Variants in KIAA1549 observed in about 807,000 individuals in gnomAD.
KIAA1549 encodes KIAA1549, also known as UPF0606 protein KIAA1549.
Under a neutral mutation model 156.4 loss-of-function variants are expected in KIAA1549, and 70 were observed. The observed-to-expected ratio is 0.45, with a 90% CI of 0.37 to 0.55. The LOEUF (loss-of-function observed/expected upper bound fraction) is 0.55. KIAA1549 is among the 20% of genes least tolerant of loss of function. KIAA1549 has a pLI of 0.00. For missense variants in KIAA1549, 2,428 were observed against 2,540.9 expected (o/e 0.96, Z 0.96); for synonymous variants, 1,103 against 1,066.4 (o/e 1.03, Z -0.67).
Position 138,917,467 on chromosome 7 carries a change from G to T in KIAA1549, c.2159C>A (p.Ser720Ter). The T allele has an allele frequency of 6.2e-7, 1 of 1,613,870 alleles. No individual in the cohort carries two copies. The highest frequency in any genetic ancestry group is 1.1e-5 in the South Asian group (1 of 91,062). ...CTCGAGAGAATCAGAAGGGAAGCTTGACCATGGTGACACCTCAGAACGGCT... is the reference window on the plus strand; with the variant it reads ...CTCGAGAGAATCAGAAGGGAAGCTTTACCATGGTGACACCTCAGAACGGCT... ...LPSRSEVSPW[S>*]SFPSDSLEFV... Residue 720 changes from serine to a stop codon, truncating the protein, a stop_gained, in exon 2 of 20, where the codon TCA becomes TAA. Transcript: ENST00000422774. LOFTEE classifies it high-confidence loss of function.
At chr7:138,896,291 A>G (rs374282564) in intron 9 of KIAA1549, among the ~76,000 whole-genome samples, 5 of 152,310 alleles carry the variant, frequency 3.3e-5, no homozygotes, top group African/African-American at 1.2e-4. Context: ...ACGTAATAAC[A>G]AAAAGGGTTC....
chr7:138,844,779 G>A (rs1355197141), intron 17 of KIAA1549, among the ~76,000 whole-genome samples: 1 of 151,518 alleles, frequency 6.6e-6, no homozygotes, highest in Non-Finnish European at 1.5e-5. Flanking sequence ...CTACACGTCT[G>A]CATCACCTGG....
chr7:138,833,842 GC>G lies in KIAA1549; in HGVS notation c.*4063del, dbSNP rs1267211506. ...AGTACTTCCTCTGTAGATCTTCACA[GC>G]CCTGGTCGTTTCCTTGCTGCATGAC... On this transcript the variant is annotated 3_prime_UTR_variant, in exon 20 of 20. Coordinates refer to ENST00000422774, the MANE Select transcript of KIAA1549 (RefSeq NM_001164665.2). 8.6e-6 allele frequency: 2 copies of G among 233,046 alleles called. No homozygotes were observed. Among genetic ancestry groups the G allele is most frequent in the Non-Finnish European group, 1.7e-5 (2 of 118,006 alleles). The allele number at this position is 233,046 out of a possible 1,614,324, so 14.4% of individuals were successfully genotyped here.
At position 138,837,805 on chromosome 7, in the gene KIAA1549, A is replaced by C; in HGVS notation, c.*101T>G. Reference sequence around the variant, plus strand: ...CTCCCTCCCTTGGGCAGGCTGCCCGAGAGTTGCTCCTTCCTCTTCCAAACA... The same window carrying C: ...CTCCCTCCCTTGGGCAGGCTGCCCGCGAGTTGCTCCTTCCTCTTCCAAACA... On this transcript the variant is annotated 3_prime_UTR_variant, in exon 20 of 20. Transcript: ENST00000422774. 7.2e-7 allele frequency: 1 copy of C among 1,390,344 alleles called. No homozygotes were observed. 86.1% of individuals were successfully genotyped at this position (1,390,344 alleles called of 1,614,324 possible).
chr7:138,911,672 C>T (rs953727426), intron 3 of KIAA1549, among the ~76,000 whole-genome samples: 1 of 152,062 alleles, frequency 6.6e-6, no homozygotes, highest in Non-Finnish European at 1.5e-5. Context: ...CTAGTGGCCA[C>T]ATTAAAAAAC....
rs1584762127 is a variant in KIAA1549 at position 138,926,364 on chromosome 7, G to A, written c.188-6926C>T. Among the ~76,000 whole-genome samples, 4 of 151,984 alleles carry A rather than the reference G, an allele frequency of 2.6e-5. No individual in the cohort carries two copies. The South Asian group carries it at 6.2e-4, about 24-fold the overall frequency. On this transcript the variant is annotated intron_variant, in intron 1 of 19. Coordinates refer to ENST00000422774, the MANE Select transcript of KIAA1549 (RefSeq NM_001164665.2). Reference sequence around the variant, plus strand: ...TGCAGAGGTGCAATCTCGGCTCACTGAAATCTCTGCCTCTTAGGTTCACGC... The same window carrying A: ...TGCAGAGGTGCAATCTCGGCTCACTAAAATCTCTGCCTCTTAGGTTCACGC...
intron 1 of KIAA1549, among the ~76,000 whole-genome samples, chr7:138,972,488 C>G (rs958632318): frequency 6.6e-6 from 1 of 151,866 alleles, no homozygotes; most frequent in South Asian, 2.1e-4. Flanking sequence ...CTCTTGCCAG[C>G]TCCTTCAATC....
At chr7:138,850,179 T>C (rs1050527106) in intron 17 of KIAA1549, among the ~76,000 whole-genome samples, 1 of 152,234 alleles carries the variant, frequency 6.6e-6, no homozygotes, top group African/African-American at 2.4e-5. Flanking sequence ...TTATGAAGCA[T>C]CTTTTCTGTG....
intron 18 of KIAA1549, among the ~76,000 whole-genome samples, chr7:138,841,168 C>T (rs1038368693): frequency 1.3e-5 from 2 of 152,124 alleles, no homozygotes; most frequent in African/African-American, 4.8e-5. Context: ...GTTTGGGAGC[C>T]ACCATGAAGC....
At chr7:138,883,983 C>G (rs371719457) in intron 10 of KIAA1549, among the ~76,000 whole-genome samples, 2 of 152,268 alleles carry the variant, frequency 1.3e-5, no homozygotes, top group South Asian at 2.1e-4. Context: ...GGGCTGCTCA[C>G]CACAGAGCCC....
In KIAA1549 at chr7:138,886,668, C is replaced by T. The variant is rs185404010; in HGVS notation, c.4033-5084G>A. On this transcript the variant is annotated intron_variant, in intron 10 of 19. Coordinates refer to ENST00000422774, the MANE Select transcript of KIAA1549 (RefSeq NM_001164665.2). ...TTTATGCCAGCAGAGGGGGACAAAACTTACAGTAAACACAATTTACAAAAA... is the reference window on the plus strand; with the variant it reads ...TTTATGCCAGCAGAGGGGGACAAAATTTACAGTAAACACAATTTACAAAAA... Among the ~76,000 whole-genome samples the T allele has an allele frequency of 2.8e-3, 433 of 152,150 alleles. 3 individuals are homozygous for T. The highest frequency in any genetic ancestry group is 9.6e-3 in the African/African-American group (400 of 41,514).
chr7:138,861,023 G>A (rs77489800), intron 16 of KIAA1549, 116 bp downstream of exon 16: 7 of 985,428 alleles, frequency 7.1e-6, no homozygotes, highest in Admixed American at 2.3e-5. Flanking sequence ...CATCACCCGA[G>A]TTTTAATTCT....
chr7:138,934,648 G>A (rs527282817), intron 1 of KIAA1549, among the ~76,000 whole-genome samples: 140 of 152,240 alleles, frequency 9.2e-4, no homozygotes, highest in Middle Eastern at 3.4e-3. Context: ...ACATTCCTGG[G>A]TCTCAGGTCC....
chr7:138,978,206 G>A (rs1307060568), intron 1 of KIAA1549, among the ~76,000 whole-genome samples: 2 of 152,070 alleles, frequency 1.3e-5, no homozygotes, highest in Non-Finnish European at 2.9e-5. Flanking sequence ...ACAAAAAAAC[G>A]ATAAAATTAC....
At chr7:138,889,743 C>CGAT (rs1227598821) in intron 10 of KIAA1549, among the ~76,000 whole-genome samples, 2 of 152,210 alleles carry the variant, frequency 1.3e-5, no homozygotes, top group Admixed American at 6.5e-5. Flanking sequence ...AGTGAGTCAT[C>CGAT]ACCTTCTATA....
chr7:138,981,350 G>T lies in KIAA1549; in HGVS notation c.-81C>A. On this transcript the variant is annotated 5_prime_UTR_variant, in exon 1 of 20. Coordinates refer to ENST00000422774, the MANE Select transcript of KIAA1549 (RefSeq NM_001164665.2). This position sits in a 1 kb window ranked among gnomAD's most constrained non-coding sequence, Gnocchi z 4.5. Reference sequence around the variant, plus strand: ...GGGCGGCCGCTGCGGCTGCGGCTGGGACGGGGCGCCGCGCACCGGCGCGGA... The same window carrying T: ...GGGCGGCCGCTGCGGCTGCGGCTGGTACGGGGCGCCGCGCACCGGCGCGGA... 1.8e-6 allele frequency: 1 copy of T among 559,024 alleles called. No individual in the cohort carries two copies. The highest frequency in any genetic ancestry group is 2.3e-6 in the Non-Finnish European group (1 of 443,146). The allele number at this position is 559,024 out of a possible 1,614,324, so 34.6% of individuals were successfully genotyped here.
chr7:138,905,471 C>T (rs986786540), intron 6 of KIAA1549, among the ~76,000 whole-genome samples: 8 of 152,328 alleles, frequency 5.3e-5, no homozygotes, highest in Admixed American at 3.9e-4. Context: ...CAGTGTGCCC[C>T]GCCGTCCGGC....
intron 5 of KIAA1549, among the ~76,000 whole-genome samples, chr7:138,908,783 T>C (rs1213952377): frequency 2.0e-5 from 3 of 152,176 alleles, no homozygotes; most frequent in Non-Finnish European, 2.9e-5. Context: ...CTGAGCTCCC[T>C]GGGTATCAGC....
At chr7:138,893,767 G>A (rs1215975735) in intron 10 of KIAA1549, among the ~76,000 whole-genome samples, 5 of 152,200 alleles carry the variant, frequency 3.3e-5, no homozygotes, top group Admixed American at 1.3e-4. Context: ...AAAATATCCA[G>A]GGATAAAATA....
Sources: gnomAD v4.1 joint callset for allele counts (sites outside exome capture counted in the v4.1 genomes callset) on GRCh38, gnomAD v4.1.1 for gene constraint, Gnocchi (gnomAD v3.1) non-coding constraint, MANE v1.5 for transcripts, NCBI Gene and HGNC (gene_info 2026-07-23, HGNC 2026-07-21) for gene names.